CDON: variants seen among roughly 807,000 people sequenced by gnomAD.
The protein encoded by CDON is cell adhesion associated, oncogene regulated, also known as cell adhesion molecule-related/down-regulated by oncogenes.
A neutral mutation model predicts 120.9 loss-of-function variants in CDON; 73 were observed. The observed-to-expected ratio is 0.60, with a 90% CI of 0.50 to 0.73. The LOEUF is 0.73. Ranked by LOEUF, CDON falls within the 30% of genes least tolerant of loss-of-function variation. The pLI, the probability that CDON is intolerant of heterozygous loss-of-function variation, is 0.00. For synonymous variants in CDON, 566 were observed against 573.5 expected (o/e 0.99, Z 0.19); for missense variants, 1,470 against 1,587.3 (o/e 0.93, Z 1.26).
intron 14 of CDON, among the ~76,000 whole-genome samples, chr11:125,991,183 T>A (rs1946624097): frequency 6.6e-6 from 1 of 152,218 alleles, no homozygotes; most frequent in Non-Finnish European, 1.5e-5. Flanking sequence ...ATGATACATA[T>A]CTTGTTAGAT....
At position 125,992,066 on chromosome 11, in the gene CDON, G is replaced by C. The variant is rs190426095; in HGVS notation, c.2650+2218C>G. ...GATGATGATGAGAGAGAGAAAAACA[G>C]AGAGACAAAGACAGATACTCATTTT... On this transcript the variant is annotated intron_variant, in intron 14 of 19. Coordinates refer to ENST00000531738, the MANE Select transcript of CDON (RefSeq NM_001378964.1). Among the ~76,000 whole-genome samples, 9 of 152,264 alleles carry C rather than the reference G, an allele frequency of 5.9e-5. No individual in the cohort carries two copies. In the East Asian group the frequency reaches 1.7e-3, roughly 29 times the overall value.
intron 18 of CDON, among the ~76,000 whole-genome samples, chr11:125,974,414 G>GAGGGAGGGAGGA (rs1946098550): frequency 1.2e-5 from 1 of 82,266 alleles, no homozygotes; most frequent in Admixed American, 1.2e-4. Context: ...GGGAGGGAGG[G>GAGGGAGGGAGGA]AGGGAGGGAG....
At chr11:126,019,857 G>C (rs1947583140) in intron 3 of CDON, 92 bp from the exon 4 acceptor site, 5 of 1,177,456 alleles carry the variant, frequency 4.2e-6, no homozygotes, top group Non-Finnish European at 6.1e-6. Flanking sequence ...AACATCTGCA[G>C]CACGGCCTTT....
At chr11:126,046,077 C>T (rs951034219) in intron 1 of CDON, among the ~76,000 whole-genome samples, 4 of 152,136 alleles carry the variant, frequency 2.6e-5, no homozygotes, top group African/African-American at 9.7e-5. Context: ...TTCACTGAAA[C>T]GGCATTACAA....
chr11:125,969,384 T>C (rs1418804964), intron 18 of CDON, among the ~76,000 whole-genome samples: 1 of 152,228 alleles, frequency 6.6e-6, no homozygotes, highest in African/African-American at 2.4e-5. Flanking sequence ...TGTACATATG[T>C]AAACTTAAGA....
At chr11:126,061,636 G>A (rs1948798355) in intron 1 of CDON, among the ~76,000 whole-genome samples, 1 of 152,216 alleles carries the variant, frequency 6.6e-6, no homozygotes, top group Non-Finnish European at 1.5e-5. Flanking sequence ...CACTGACTTG[G>A]CGTCTTTCAT....
At chr11:126,024,140 A>T (rs1947717719) in intron 1 of CDON, among the ~76,000 whole-genome samples, 3 of 152,240 alleles carry the variant, frequency 2.0e-5, no homozygotes, top group Non-Finnish European at 4.4e-5. Context: ...TAAGCCAAGA[A>T]AAGGATAGTA....
intron 18 of CDON, among the ~76,000 whole-genome samples, chr11:125,970,050 T>C (rs1234674581): frequency 6.6e-6 from 1 of 152,192 alleles, no homozygotes; most frequent in Non-Finnish European, 1.5e-5. Context: ...TGCATTAAGT[T>C]TCCTCTTTTG....
At chr11:126,005,555 A>C (rs969278899) in intron 9 of CDON, 6 of 604,754 alleles carry the variant, frequency 9.9e-6, no homozygotes, top group African/African-American at 9.3e-5. Flanking sequence ...TAGAATTCCA[A>C]TTTGGGGGGA....
At chr11:125,983,220 A>G (rs1946365174) in intron 16 of CDON, among the ~76,000 whole-genome samples, 1 of 152,196 alleles carries the variant, frequency 6.6e-6, no homozygotes, top group Non-Finnish European at 1.5e-5. Context: ...AATAGCTGAG[A>G]TAACAGGAAA....
chr11:126,033,766 A>C (rs935447184), intron 1 of CDON, among the ~76,000 whole-genome samples: 1 of 152,138 alleles, frequency 6.6e-6, no homozygotes, highest in Non-Finnish European at 1.5e-5. Flanking sequence ...CCATGATTCT[A>C]CAGGAGGAAA....
intron 1 of CDON, among the ~76,000 whole-genome samples, chr11:126,052,025 T>C (rs902351838): frequency 9.9e-5 from 15 of 152,110 alleles, no homozygotes; most frequent in Admixed American, 7.2e-4. Flanking sequence ...GCTAGCCTAA[T>C]AGGAAACCAC....
chr11:126,012,147 G>A (rs1034714935), intron 7 of CDON, among the ~76,000 whole-genome samples: 1 of 151,962 alleles, frequency 6.6e-6, no homozygotes, highest in Non-Finnish European at 1.5e-5. Context: ...GCCATTCTTG[G>A]GCATTGGGTT....
rs200008378 is a variant in CDON, at chr11:125,994,983, C to A, written c.2432G>T (p.Arg811Leu). Reference protein sequence around the residue: ...YGESFRSSASRPYQVVGFPNR... With the variant: ...YGESFRSSASLPYQVVGFPNR... ...GGGGAACCCAACCACTTGATAAGGA[C>A]GAGATGCTGAACTCCGAAAACTCTC... is the stretch of plus-strand genomic sequence containing the variant. The change falls in exon 13 of 20, where the codon CGT (arginine) becomes CTT (leucine). Residue 811 changes from arginine to leucine, a missense_variant. Arg to Leu is a moderately radical substitution (Grantham distance 102, BLOSUM62 -2). Coordinates refer to ENST00000531738, the MANE Select transcript of CDON (RefSeq NM_001378964.1). 21 of 1,613,908 alleles carry A rather than the reference C, an allele frequency of 1.3e-5. No homozygotes were observed. The South Asian group carries it at 1.5e-4, about 12-fold the overall frequency.
intron 12 of CDON, 65 bp downstream of exon 12, chr11:125,997,142 A>G: frequency 4.8e-6 from 6 of 1,251,036 alleles, no homozygotes; most frequent in Non-Finnish European, 7.0e-6. Flanking sequence ...CCTGTCTCAA[A>G]ATATATAAAT....
chr11:125,961,396 A>T (rs1259699077), intron 19 of CDON, among the ~76,000 whole-genome samples: 1 of 152,200 alleles, frequency 6.6e-6, no homozygotes, highest in Admixed American at 6.5e-5. Flanking sequence ...AACTCAAATC[A>T]AAAAGGGGCT....
rs150811448 is a variant in CDON, at chr11:125,959,503, C to T, written c.*1439G>A. 1.2e-4 allele frequency: 19 copies of T among 152,006 alleles called. No individual in the cohort carries two copies. The highest frequency in any genetic ancestry group is 4.3e-4 in the African/African-American group (18 of 41,426). The allele number at this position is 152,006 out of a possible 1,614,324, so 9.4% of individuals were successfully genotyped here. A position where few individuals can be genotyped will look rare whatever the true frequency, so the allele number is the denominator to read the frequency against. ...CTTGTCACGCAGAGGCAGCCGTGGT[C>T]AGGAGCTCTGCTGACCAACTTGGCT... On this transcript the variant is annotated 3_prime_UTR_variant, in exon 20 of 20. Coordinates refer to ENST00000531738, the MANE Select transcript of CDON (RefSeq NM_001378964.1).
chr11:126,029,793 G>C (rs959384919), intron 1 of CDON, among the ~76,000 whole-genome samples: 1 of 152,112 alleles, frequency 6.6e-6, no homozygotes, highest in East Asian at 1.9e-4. Context: ...ATTCTGAGTG[G>C]GTGATTTGTC....
intron 1 of CDON, among the ~76,000 whole-genome samples, chr11:126,028,517 C>T (rs1947858146): frequency 6.6e-6 from 1 of 151,918 alleles, no homozygotes; most frequent in Admixed American, 6.6e-5. Flanking sequence ...CACGTGCCAA[C>T]ATGCCTGGTT....
Sources: allele counts gnomAD v4.1 joint callset (sites outside exome capture counted in the v4.1 genomes callset), GRCh38; gene constraint gnomAD v4.1.1; transcripts MANE v1.5; gene names NCBI Gene and HGNC (gene_info 2026-07-23, HGNC 2026-07-21).